NRG1: variants seen among roughly 807,000 people sequenced by gnomAD.
NRG1 encodes the protein neuregulin 1.
NRG1 carries 18 observed loss-of-function variants against 63.8 expected under a neutral mutation model. That is an observed-to-expected ratio of 0.28 (90% confidence interval 0.19 to 0.42). The LOEUF is 0.42. Among genes scored for constraint, NRG1 ranks in the 10% least tolerant of loss-of-function variants. The pLI, the probability that NRG1 is intolerant of heterozygous loss-of-function variation, is 1.00. For missense variants in NRG1, 762 were observed against 814.7 expected (o/e 0.94, Z 0.79); for synonymous variants, 302 against 301.3 (o/e 1.00, Z -0.02).
At chr8:32,000,884 G>T (rs1469626595) in intron 1 of NRG1, among the ~76,000 whole-genome samples, 1 of 151,806 alleles carries the variant, frequency 6.6e-6, no homozygotes, top group Non-Finnish European at 1.5e-5. Flanking sequence ...ACCATCATTT[G>T]TTTATTTTTT....
chr8:31,699,653 G>C (rs1311974240), intron 1 of NRG1, among the ~76,000 whole-genome samples: 1 of 151,962 alleles, frequency 6.6e-6, no homozygotes, highest in Non-Finnish European at 1.5e-5. Flanking sequence ...AATTTTACAG[G>C]TCCATCCTTG....
rs559604640 is a variant in NRG1, at chr8:32,408,617, G to A, written c.38-187211G>A. Among the ~76,000 whole-genome samples the A allele has an allele frequency of 2.1e-4, 31 of 150,236 alleles. No homozygotes were observed. In the South Asian group the frequency reaches 6.7e-3, roughly 32 times the overall value. On this transcript the variant is annotated intron_variant, in intron 1 of 10. Transcript: ENST00000519301. ...CAAAAAGATTGTGCATGATGGTGGG[G>A]GAAGATACTTTAAGAAGGGAAGAAG...
chr8:32,539,283 AC>A (rs1832339745), intron 1 of NRG1, among the ~76,000 whole-genome samples: 1 of 152,182 alleles, frequency 6.6e-6, no homozygotes, highest in Non-Finnish European at 1.5e-5. Context: ...TAGAAGATTA[AC>A]TCTGGTAGCA....
At chr8:32,429,868 GA>G (rs1391096111) in intron 1 of NRG1, among the ~76,000 whole-genome samples, 6 of 151,800 alleles carry the variant, frequency 4.0e-5, no homozygotes, top group Admixed American at 3.3e-4. Flanking sequence ...ACATTTTTAA[GA>G]AAAAAATGTA....
intron 1 of NRG1, among the ~76,000 whole-genome samples, chr8:32,090,528 C>A (rs928820365): frequency 3.4e-4 from 51 of 152,052 alleles, no homozygotes; most frequent in Non-Finnish European, 6.9e-4. Context: ...ATCATGTTGA[C>A]CAGGTTGTTC....
chr8:32,436,324 G>A (rs1818785368), intron 1 of NRG1, among the ~76,000 whole-genome samples: 1 of 152,122 alleles, frequency 6.6e-6, no homozygotes, highest in Non-Finnish European at 1.5e-5. Context: ...CAACACATGG[G>A]AATTATGGGA....
chr8:31,779,269 G>A (rs1819448734), intron 1 of NRG1, among the ~76,000 whole-genome samples: 1 of 152,114 alleles, frequency 6.6e-6, no homozygotes. Context: ...GAATGACATG[G>A]GAAGGAGGGC....
chr8:31,966,133 A>G (rs1806283913), intron 1 of NRG1, among the ~76,000 whole-genome samples: 1 of 152,196 alleles, frequency 6.6e-6, no homozygotes, highest in African/African-American at 2.4e-5. Context: ...AGCATTGTGA[A>G]CTGCTGGATC....
chr8:31,705,390 ACT>A (rs946186049), intron 1 of NRG1, among the ~76,000 whole-genome samples: 39 of 147,158 alleles, frequency 2.7e-4, no homozygotes, highest in African/African-American at 8.6e-4. Context: ...CCACGCTGAA[ACT>A]CTCTCTCTTT....
Position 32,183,351 on chromosome 8 carries a change from G to A in NRG1, c.38-412477G>A, listed in dbSNP as rs145615051. On this transcript the variant is annotated intron_variant, in intron 1 of 10. Transcript: ENST00000519301. ...GTCAAGTCACTTTCTTCCTGTTCCC[G>A]TCTCCTTCTGTCTTCCTCTCTTTTT... Among the ~76,000 whole-genome samples the A allele has an allele frequency of 4.4e-3, 675 of 152,238 alleles. 5 individuals carry two copies. The highest frequency in any genetic ancestry group is 0.016 in the African/African-American group (650 of 41,536).
chr8:32,548,877 A>ACTCCTC (rs763438338), intron 1 of NRG1, 51 bp downstream of exon 1: 2 of 1,430,360 alleles, frequency 1.4e-6, no homozygotes, highest in Admixed American at 4.5e-5. Context: ...TGCTCCTCCT[A>ACTCCTC]CTCCTCCTCC....
At chr8:31,772,173 A>G (rs1252683438) in intron 1 of NRG1, among the ~76,000 whole-genome samples, 3 of 152,188 alleles carry the variant, frequency 2.0e-5, no homozygotes, top group Non-Finnish European at 2.9e-5. Context: ...GGGAAAAACT[A>G]TCTTTCATGA....
intron 1 of NRG1, among the ~76,000 whole-genome samples, chr8:31,658,823 G>A (rs1414543521): frequency 6.6e-6 from 1 of 152,184 alleles, no homozygotes; most frequent in East Asian, 1.9e-4. Flanking sequence ...CTCTGCAGCA[G>A]GATTCAGTGG....
At chr8:32,592,877 C>G (rs1160203474) in intron 1 of NRG1, among the ~76,000 whole-genome samples, 1 of 152,134 alleles carries the variant, frequency 6.6e-6, no homozygotes, top group African/African-American at 2.4e-5. Flanking sequence ...CCCCCCAAAC[C>G]TAACTACTAA....
At chr8:32,482,398 T>TTTTGTGTGTGTGTGTGTGTG (rs141001148) in intron 1 of NRG1, among the ~76,000 whole-genome samples, 4 of 148,220 alleles carry the variant, frequency 2.7e-5, no homozygotes, top group African/African-American at 7.6e-5. Context: ...CTTTCTACTT[T>TTTTGTGTGTGTGTGTGTGTG]TGTGTGTGTG....
intron 1 of NRG1, among the ~76,000 whole-genome samples, chr8:32,196,354 G>A (rs533650465): frequency 4.6e-5 from 7 of 152,228 alleles, no homozygotes; most frequent in South Asian, 2.1e-4. Context: ...TGATGAGAGC[G>A]GAAGCATGAG....
intron 5 of NRG1, among the ~76,000 whole-genome samples, chr8:32,696,809 C>T (rs1276412910): frequency 3.3e-5 from 5 of 151,614 alleles, no homozygotes; most frequent in African/African-American, 4.8e-5. Context: ...TACAGGCGTG[C>T]GCCACCGCAC....
At chr8:32,668,326 C>T (rs1804761331) in intron 5 of NRG1, among the ~76,000 whole-genome samples, 1 of 152,164 alleles carries the variant, frequency 6.6e-6, no homozygotes, top group African/African-American at 2.4e-5. Context: ...AGTTTTTCTG[C>T]TCTGCGTTGT....
chr8:32,039,850 C>T (rs553311844), intron 1 of NRG1, among the ~76,000 whole-genome samples: 8 of 151,504 alleles, frequency 5.3e-5, no homozygotes, highest in Admixed American at 1.3e-4. Flanking sequence ...AAGACCTTAT[C>T]GCTACAAAAT....
Sources: gnomAD v4.1 joint callset for allele counts (sites outside exome capture counted in the v4.1 genomes callset) on GRCh38, gnomAD v4.1.1 for gene constraint, MANE v1.5 for transcripts, NCBI Gene and HGNC (gene_info 2026-07-23, HGNC 2026-07-21) for gene names.